Variants in POGLUT3 observed in about 807,000 individuals in gnomAD.
POGLUT3 encodes protein O-glucosyltransferase 3.
Under a neutral mutation model 54.3 loss-of-function variants are expected in POGLUT3, and 48 were observed. The ratio of observed to expected loss-of-function variants is 0.88; its 90% confidence interval spans 0.70 to 1.12. The LOEUF is 1.12. Ranked by LOEUF, POGLUT3 falls within the 50% of genes most tolerant of loss-of-function variation. The pLI, the probability that POGLUT3 is intolerant of heterozygous loss-of-function variation, is 0.00. For synonymous variants in POGLUT3, 218 were observed against 237.4 expected (o/e 0.92, Z 0.75); for missense variants, 629 against 618.7 (o/e 1.02, Z -0.18).
intron 7 of POGLUT3, 131 bp downstream of exon 7, chr11:108,477,476 T>C: frequency 1.6e-6 from 1 of 625,542 alleles, no homozygotes; most frequent in South Asian, 2.1e-5. Flanking sequence ...CCTAGGCAAG[T>C]GCCTTGGCTT....
chr11:108,498,244 C>T lies in POGLUT3; in HGVS notation c.123G>A (p.Ala41=), dbSNP rs1247258732. The change falls in exon 1 of 8, where the codon GCG becomes GCA. Residue 41 remains alanine, a synonymous_variant. Coordinates refer to ENST00000323468, the MANE Select transcript of POGLUT3 (RefSeq NM_153705.5). ...RSLVWGPGLQ[A]AVVLPVRYFY... The stretch of plus-strand genomic sequence containing the variant: ...AATAGCGGACCGGCAGGACGACGGC[C>T]GCCTGCAGCCCGGGCCCCCACACCA... 6 of 1,508,178 alleles carry T rather than the reference C, an allele frequency of 4.0e-6. No homozygotes were observed. In the South Asian group the frequency reaches 7.5e-5, roughly 19 times the overall value. 93.4% of individuals were successfully genotyped at this position (1,508,178 alleles called of 1,614,324 possible). A position where few individuals can be genotyped will look rare whatever the true frequency, so the allele number is the denominator to read the frequency against.
At chr11:108,498,137 A>C (rs1479618496) in intron 1 of POGLUT3, 28 bp downstream of exon 1, 2 of 1,485,696 alleles carry the variant, frequency 1.3e-6, no homozygotes, top group East Asian at 6.0e-5. Context: ...CGGCCGCGGG[A>C]CGAGGGAGGC....
intron 3 of POGLUT3, among the ~76,000 whole-genome samples, chr11:108,484,909 G>A (rs2093599972): frequency 6.6e-6 from 1 of 152,140 alleles, no homozygotes; most frequent in Non-Finnish European, 1.5e-5. Context: ...GGAATTTAGA[G>A]TTCTGCAAAT....
rs147300827 is a variant in POGLUT3, at chr11:108,475,944, T to C, written c.1399-992A>G. On this transcript the variant is annotated intron_variant, in intron 7 of 7. Transcript: ENST00000323468. ...GGGAGGCTGAGGCTGGAGAATCACT[T>C]GAGGAACCAGGGAAACACGGCAAGA... Among the ~76,000 whole-genome samples, 6 of 152,020 alleles carry C rather than the reference T, an allele frequency of 3.9e-5. No individual in the cohort carries two copies. In the East Asian group the frequency reaches 7.8e-4, roughly 20 times the overall value.
chr11:108,482,992 T>C (rs1286916051), intron 3 of POGLUT3, among the ~76,000 whole-genome samples: 3 of 152,190 alleles, frequency 2.0e-5, no homozygotes, highest in African/African-American at 7.2e-5. Context: ...TAGACTCTCA[T>C]CATTTCTTGC....
chr11:108,487,612 G>C (rs554685440), intron 2 of POGLUT3, among the ~76,000 whole-genome samples: 2 of 152,024 alleles, frequency 1.3e-5, no homozygotes, highest in East Asian at 3.9e-4. Context: ...TGGTGGCAGG[G>C]GGACAGAGTC....
rs764920269 is a variant in POGLUT3 at position 108,490,922 on chromosome 11, T to C, written c.400+48A>G. 8 of 1,456,588 alleles carry C rather than the reference T, an allele frequency of 5.5e-6. No homozygotes were observed. In the East Asian group the frequency reaches 1.4e-4, roughly 25 times the overall value. The allele number at this position is 1,456,588 out of a possible 1,614,324, so 90.2% of individuals were successfully genotyped here. On this transcript the variant is annotated intron_variant, in intron 2 of 7. Transcript: ENST00000323468. ...CAGGTTTAGGCCATTCTGAAAGGCA[T>C]GGGACCTACACACAAGGCTGACTCT...
At chr11:108,477,566 G>T in intron 7 of POGLUT3, 41 bp downstream of exon 7, 1 of 1,247,858 alleles carries the variant, frequency 8.0e-7, no homozygotes, top group Non-Finnish European at 1.2e-6. Context: ...GTAGTCTGAG[G>T]ACACCCGACC....
At chr11:108,492,647 T>A (rs1326626175) in intron 1 of POGLUT3, among the ~76,000 whole-genome samples, 1 of 152,194 alleles carries the variant, frequency 6.6e-6, no homozygotes, top group Non-Finnish European at 1.5e-5. Flanking sequence ...AATTTAGTAA[T>A]AACAATGTGG....
At chr11:108,479,058 A>G (rs1040237604) in intron 6 of POGLUT3, among the ~76,000 whole-genome samples, 2 of 152,246 alleles carry the variant, frequency 1.3e-5, no homozygotes, top group Non-Finnish European at 2.9e-5. Context: ...CATAGCATTT[A>G]GAAAATCTGT....
At chr11:108,486,552 TGCCC>T in intron 2 of POGLUT3, 112 bp from the exon 3 acceptor site, 40 of 1,095,182 alleles carry the variant, frequency 3.7e-5, no homozygotes, top group Non-Finnish European at 4.8e-5. Flanking sequence ...AGAGATAATC[TGCCC>T]TAGACAAATC....
intron 7 of POGLUT3, among the ~76,000 whole-genome samples, 192 bp downstream of exon 7, chr11:108,477,414 AC>A (rs2093583953): frequency 6.6e-6 from 1 of 152,004 alleles, no homozygotes; most frequent in Non-Finnish European, 1.5e-5. Flanking sequence ...AAACAAACAA[AC>A]AAAAAACAAA....
chr11:108,477,625 G>A lies in POGLUT3; in HGVS notation c.1380C>T (p.Tyr460=), dbSNP rs2093584593. 2 of 1,609,240 alleles carry A rather than the reference G, an allele frequency of 1.2e-6. No individual in the cohort carries two copies. Among genetic ancestry groups the A allele is most frequent in the South Asian group, 2.2e-5 (2 of 90,948 alleles). ...DLLQPHRLYC[Y]YYQVLQKYAE... ...AACTGACCTGCAGTACTTGGTAATA[G>A]TAGCAGTAAAGCCTGTGTGGCTGTA... Residue 460 remains tyrosine, a synonymous_variant, in exon 7 of 8, where the codon TAC becomes TAT. Transcript: ENST00000323468.
At chr11:108,474,989 T>C (rs1344478565) in intron 7 of POGLUT3, 37 bp from the exon 8 acceptor site, 2 of 1,608,156 alleles carry the variant, frequency 1.2e-6, no homozygotes, top group South Asian at 2.2e-5. Flanking sequence ...AAAGGTTAGT[T>C]CACACTGCAT....
intron 1 of POGLUT3, among the ~76,000 whole-genome samples, chr11:108,496,335 A>AG (rs1325817615): frequency 6.6e-6 from 1 of 150,906 alleles, no homozygotes; most frequent in Admixed American, 6.6e-5. Context: ...AAAAAGGAGG[A>AG]GGGGGGTTGG....
chr11:108,498,183 G>A lies in POGLUT3; in HGVS notation c.184C>T (p.Leu62Phe). ...ACACTACCTGCGGGAGAGCGAGTGA[G>A]GTTCTGGCCCTCCGAGTTGACCGCC... ...LQAVNSEGQN[L>F]TRSPAGETPF... The change falls in exon 1 of 8, where the codon CTC becomes TTC. Residue 62 changes from leucine (L) to phenylalanine (F), a missense_variant. By Grantham distance (22) the Leu-to-Phe change is conservative. Coordinates refer to ENST00000323468, the MANE Select transcript of POGLUT3 (RefSeq NM_153705.5). 6.6e-7 allele frequency: 1 copy of A among 1,518,986 alleles called. No homozygotes were observed. Among genetic ancestry groups the A allele is most frequent in the Non-Finnish European group, 8.8e-7 (1 of 1,135,148 alleles). 94.1% of individuals were successfully genotyped at this position (1,518,986 alleles called of 1,614,324 possible).
intron 7 of POGLUT3, among the ~76,000 whole-genome samples, chr11:108,476,600 ATTTACT>A (rs1468172448): frequency 6.6e-6 from 1 of 152,172 alleles, no homozygotes; most frequent in Non-Finnish European, 1.5e-5. Flanking sequence ...ATCTAGGGAA[ATTTACT>A]TTTACTATGC....
intron 7 of POGLUT3, among the ~76,000 whole-genome samples, chr11:108,476,513 G>A (rs1159461587): frequency 6.6e-6 from 1 of 152,172 alleles, no homozygotes; most frequent in East Asian, 1.9e-4. Flanking sequence ...AGGAAGGGCT[G>A]CTTCTAGTAA....
At position 108,481,343 on chromosome 11, in the gene POGLUT3, A is replaced by G. The variant is rs756597366; in HGVS notation, c.935T>C (p.Phe312Ser). 2 of 1,592,916 alleles carry G rather than the reference A, an allele frequency of 1.3e-6. No homozygotes were observed. The highest frequency in any genetic ancestry group is 1.7e-6 in the Non-Finnish European group (2 of 1,174,552). Residue 312 changes from phenylalanine to serine, a missense_variant, in exon 5 of 8, where the codon TTC becomes TCC. Physicochemically the swap from Phe to Ser is radical, Grantham distance 155. Coordinates refer to ENST00000323468, the MANE Select transcript of POGLUT3 (RefSeq NM_153705.5). Reference sequence around the variant, plus strand: ...CTCTCGGCTGTCTCTACCTCTGAAGAAAGCTCTCTCTGTTTTATTGATCCA... The same window carrying G: ...CTCTCGGCTGTCTCTACCTCTGAAGGAAGCTCTCTCTGTTTTATTGATCCA... Reference protein sequence around the residue: ...PSWINKTERAFFRGRDSREER... With the variant: ...PSWINKTERASFRGRDSREER...
Sources: gnomAD v4.1 joint callset for allele counts (sites outside exome capture counted in the v4.1 genomes callset) on GRCh38, gnomAD v4.1.1 for gene constraint, MANE v1.5 for transcripts, NCBI Gene and HGNC (gene_info 2026-07-23, HGNC 2026-07-21) for gene names.